Variants in ASTN1 observed in about 807,000 individuals in gnomAD.
The protein encoded by ASTN1 is astrotactin-1.
ASTN1 carries 41 observed loss-of-function variants against 140.7 expected under a neutral mutation model. The ratio of observed to expected loss-of-function variants is 0.29; its 90% CI spans 0.23 to 0.38. The LOEUF is 0.38. Among genes scored for constraint, ASTN1 ranks in the 10% least tolerant of loss-of-function variants. The pLI is 1.00. For synonymous variants in ASTN1, 640 were observed against 652.2 expected (o/e 0.98, Z 0.29); for missense variants, 1,479 against 1,678.8 (o/e 0.88, Z 2.08).
At chr1:176,868,703 G>T in intron 22 of ASTN1, 141 bp downstream of exon 22, 2 of 882,306 alleles carry the variant, frequency 2.3e-6, no homozygotes, top group Non-Finnish European at 3.3e-6. Context: ...GGACTGAACT[G>T]TCTTAAATCA....
At chr1:176,908,244 C>T (rs1670083537) in intron 16 of ASTN1, among the ~76,000 whole-genome samples, 1 of 152,058 alleles carries the variant, frequency 6.6e-6, no homozygotes, top group Non-Finnish European at 1.5e-5. Flanking sequence ...AAACAGACAG[C>T]CAGGCAGACA....
At position 176,924,446 on chromosome 1, in the gene ASTN1, A is replaced by G. The variant is rs554960479; in HGVS notation, c.2671+9706T>C. Among the ~76,000 whole-genome samples, 11 of 152,318 alleles carry G rather than the reference A, an allele frequency of 7.2e-5. No homozygotes were observed. In the South Asian group the frequency reaches 2.3e-3, roughly 32 times the overall value. On this transcript the variant is annotated intron_variant, in intron 16 of 22. Coordinates refer to ENST00000361833, the MANE Select transcript of ASTN1 (RefSeq NM_004319.3). ...CTGGATTTACTTCAATCCTTCAGTC[A>G]ACCTCTGGTACATCAACTGGCTTCA...
chr1:177,154,592 T>A (rs1683166199), intron 1 of ASTN1, among the ~76,000 whole-genome samples: 1 of 152,068 alleles, frequency 6.6e-6, no homozygotes, highest in South Asian at 2.1e-4. Context: ...AGTATCAGAA[T>A]AACAATATGA....
At chr1:176,993,300 G>A (rs983525659) in intron 8 of ASTN1, among the ~76,000 whole-genome samples, 2 of 152,188 alleles carry the variant, frequency 1.3e-5, no homozygotes, top group Non-Finnish European at 1.5e-5. Flanking sequence ...TTACAGTCAA[G>A]TGGGAAAACA....
At chr1:176,933,186 C>G (rs1373579788) in intron 16 of ASTN1, among the ~76,000 whole-genome samples, 1 of 152,198 alleles carries the variant, frequency 6.6e-6, no homozygotes, top group Non-Finnish European at 1.5e-5. Context: ...TCTGCTACCT[C>G]TTCAGCAAGG....
At chr1:177,105,839 C>T (rs1270748371) in intron 1 of ASTN1, among the ~76,000 whole-genome samples, 3 of 152,088 alleles carry the variant, frequency 2.0e-5, no homozygotes, top group Admixed American at 6.6e-5. Flanking sequence ...AAAAAGAACA[C>T]ACAGCACTAG....
At chr1:177,043,569 A>G (rs1677075018) in intron 2 of ASTN1, among the ~76,000 whole-genome samples, 1 of 152,252 alleles carries the variant, frequency 6.6e-6, no homozygotes, top group Non-Finnish European at 1.5e-5. Context: ...GACCCACTAC[A>G]GAAAATTCTA....
intron 1 of ASTN1, among the ~76,000 whole-genome samples, chr1:177,097,411 C>T (rs940432413): frequency 1.3e-5 from 2 of 152,160 alleles, no homozygotes; most frequent in African/African-American, 4.8e-5. Context: ...GATTTAAACT[C>T]CAGTCCCACC....
At chr1:177,025,587 G>C (rs1003151351) in intron 5 of ASTN1, among the ~76,000 whole-genome samples, 8 of 151,890 alleles carry the variant, frequency 5.3e-5, no homozygotes, top group African/African-American at 1.7e-4. Context: ...AGAATGTGTG[G>C]GTCTTTTGGA....
chr1:177,149,330 G>C (rs1682893202), intron 1 of ASTN1, among the ~76,000 whole-genome samples: 1 of 74,370 alleles, frequency 1.3e-5, no homozygotes, highest in South Asian at 4.4e-4. Context: ...TATATATATA[G>C]TAAATATATA....
chr1:177,105,638 T>A (rs1680513136), intron 1 of ASTN1, among the ~76,000 whole-genome samples: 2 of 148,806 alleles, frequency 1.3e-5, no homozygotes, highest in Admixed American at 1.3e-4. Context: ...ACAATATGGC[T>A]TCATGGAAAA....
chr1:177,141,230 C>CA (rs1263596285), intron 1 of ASTN1, among the ~76,000 whole-genome samples: 10 of 151,798 alleles, frequency 6.6e-5, no homozygotes, highest in African/African-American at 2.4e-4. Flanking sequence ...AACAAACAAA[C>CA]AAACAAAAAA....
Position 176,989,443 on chromosome 1 carries a change from C to A in ASTN1, c.1524-24206G>T, listed in dbSNP as rs188724683. 4.5e-3 allele frequency among the ~76,000 whole-genome samples: 684 copies of A among 152,220 alleles called. 6 individuals are homozygous for A. The highest frequency in any genetic ancestry group is 0.016 in the African/African-American group (648 of 41,520). Reference sequence around the variant, plus strand: ...GCTTCGTCCTGCAGAGGTACAATGGCCTAACAAACAAAACATAAACCTGGC... The same window carrying A: ...GCTTCGTCCTGCAGAGGTACAATGGACTAACAAACAAAACATAAACCTGGC... On this transcript the variant is annotated intron_variant, in intron 8 of 22. Coordinates refer to ENST00000361833, the MANE Select transcript of ASTN1 (RefSeq NM_004319.3).
chr1:177,112,381 C>A (rs562368679), intron 1 of ASTN1, among the ~76,000 whole-genome samples: 2 of 152,196 alleles, frequency 1.3e-5, no homozygotes, highest in African/African-American at 2.4e-5. Context: ...CTATCCGCCA[C>A]GCCTTCTCTG....
intron 8 of ASTN1, among the ~76,000 whole-genome samples, chr1:176,987,612 A>G (rs1322709167): frequency 6.6e-6 from 1 of 152,114 alleles, no homozygotes; most frequent in Non-Finnish European, 1.5e-5. Flanking sequence ...CATGCCCACT[A>G]TTCCCTGAAT....
intron 7 of ASTN1, among the ~76,000 whole-genome samples, chr1:177,016,314 A>T (rs1018102069): frequency 1.3e-3 from 37 of 29,438 alleles, no homozygotes; most frequent in Non-Finnish European, 3.0e-3. Context: ...CTTCATTTGT[A>T]AAAAAAAAAA....
chr1:177,029,381 A>G, intron 5 of ASTN1: 1 of 696,840 alleles, frequency 1.4e-6, no homozygotes, highest in East Asian at 2.9e-5. Flanking sequence ...TCTGACCAAG[A>G]AATAGCCTTT....
chr1:177,044,763 C>G (rs2102001109), intron 2 of ASTN1, among the ~76,000 whole-genome samples: 1 of 152,318 alleles, frequency 6.6e-6, no homozygotes, highest in East Asian at 1.9e-4. Context: ...GGCCAGTTGC[C>G]TAATTCTGTA....
intron 2 of ASTN1, among the ~76,000 whole-genome samples, chr1:177,042,345 C>A (rs188488219): frequency 1.3e-5 from 2 of 152,200 alleles, no homozygotes; most frequent in African/African-American, 2.4e-5. Flanking sequence ...GGATTTCCAG[C>A]AGCACAGTCC....
Sources: gnomAD v4.1 joint callset for allele counts (sites outside exome capture counted in the v4.1 genomes callset) on GRCh38, gnomAD v4.1.1 for gene constraint, MANE v1.5 for transcripts, NCBI Gene and HGNC (gene_info 2026-07-23, HGNC 2026-07-21) for gene names.